LRP1B: variants seen among roughly 807,000 people sequenced by gnomAD.
LRP1B encodes the protein LDL receptor related protein 1B.
In LRP1B, 217 loss-of-function variants were observed where a neutral mutation model predicts 556.6. The observed-to-expected ratio is 0.39, with a 90% CI of 0.35 to 0.44. The LOEUF is 0.44. Among genes scored for constraint, LRP1B ranks in the 20% least tolerant of loss-of-function variants. LRP1B has a pLI of 1.00. For missense variants in LRP1B, 5,053 were observed against 5,620.8 expected (o/e 0.90, Z 3.23); for synonymous variants, 2,047 against 1,865.8 (o/e 1.10, Z -2.50).
intron 1 of LRP1B, among the ~76,000 whole-genome samples, chr2:142,014,089 C>G (rs1222104461): frequency 6.6e-6 from 1 of 151,852 alleles, no homozygotes; most frequent in Non-Finnish European, 1.5e-5. Context: ...TATATACAAG[C>G]ATTGTACCTA....
intron 2 of LRP1B, among the ~76,000 whole-genome samples, chr2:141,544,325 CT>C (rs1553533146): frequency 1.8e-5 from 1 of 55,606 alleles, no homozygotes; most frequent in Non-Finnish European, 3.3e-5. Context: ...TCTTCTTCTT[CT>C]TCTTCTTCTT....
intron 55 of LRP1B, among the ~76,000 whole-genome samples, chr2:140,497,767 G>A (rs1471663075): frequency 2.0e-5 from 3 of 151,820 alleles, no homozygotes; most frequent in African/African-American, 7.2e-5. Context: ...CACTTTGAAT[G>A]CCTCATGTCA....
chr2:140,395,919 A>C (rs1684228724), intron 66 of LRP1B, among the ~76,000 whole-genome samples: 1 of 151,390 alleles, frequency 6.6e-6, no homozygotes, highest in African/African-American at 2.4e-5. Flanking sequence ...TTGTAACTTT[A>C]TGGTTATGAA....
intron 5 of LRP1B, among the ~76,000 whole-genome samples, chr2:141,240,405 AG>A (rs745316324): frequency 2.0e-4 from 31 of 151,996 alleles, no homozygotes; most frequent in Non-Finnish European, 4.1e-4. Context: ...TCGGATTTTA[AG>A]GTTTTTTCCC....
chr2:141,392,460 TAAAAA>T (rs10636398), intron 3 of LRP1B, among the ~76,000 whole-genome samples: 1 of 96,084 alleles, frequency 1.0e-5, no homozygotes, highest in Non-Finnish European at 2.0e-5. Flanking sequence ...TGTCCTCTCT[TAAAAA>T]AAAAAAAAAA....
intron 50 of LRP1B, 37 bp from the exon 51 acceptor site, chr2:140,514,809 G>A (rs2104932733): frequency 6.3e-7 from 1 of 1,589,288 alleles, no homozygotes; most frequent in Non-Finnish European, 8.6e-7. Flanking sequence ...AAAATAGTTT[G>A]AGACCGTCTT....
chr2:141,381,366 A>G (rs1483664762), intron 3 of LRP1B, among the ~76,000 whole-genome samples: 1 of 129,108 alleles, frequency 7.7e-6, no homozygotes, highest in Non-Finnish European at 1.6e-5. Flanking sequence ...GTCAAAAGAG[A>G]AAAAAAAAAA....
chr2:140,543,598 G>A (rs749539145), intron 43 of LRP1B, among the ~76,000 whole-genome samples: 17 of 151,780 alleles, frequency 1.1e-4, no homozygotes, highest in Admixed American at 4.6e-4. Context: ...GAAATATAAC[G>A]AGGCACAAAA....
At chr2:141,564,646 T>C (rs1686269409) in intron 2 of LRP1B, among the ~76,000 whole-genome samples, 1 of 152,036 alleles carries the variant, frequency 6.6e-6, no homozygotes, top group Non-Finnish European at 1.5e-5. Flanking sequence ...GTTCAGCATG[T>C]ATTTGAAAGA....
intron 3 of LRP1B, among the ~76,000 whole-genome samples, chr2:141,466,735 G>T (rs1429579319): frequency 1.3e-5 from 2 of 152,030 alleles, no homozygotes; most frequent in Non-Finnish European, 2.9e-5. Flanking sequence ...AAGGATTGCA[G>T]AACAGAAATA....
chr2:141,426,295 C>T (rs1180212634), intron 3 of LRP1B, among the ~76,000 whole-genome samples: 2 of 151,784 alleles, frequency 1.3e-5, no homozygotes, highest in Admixed American at 6.6e-5. Flanking sequence ...TGTTTTGGTA[C>T]CAGTACCATG....
chr2:140,691,928 C>A (rs944526491), intron 41 of LRP1B, among the ~76,000 whole-genome samples: 1 of 152,060 alleles, frequency 6.6e-6, no homozygotes, highest in African/African-American at 2.4e-5. Flanking sequence ...TTATTAAGAA[C>A]AATCTTATTA....
chr2:140,551,240 A>C (rs558545002), intron 43 of LRP1B, among the ~76,000 whole-genome samples: 1 of 152,338 alleles, frequency 6.6e-6, no homozygotes, highest in East Asian at 1.9e-4. Context: ...TTTTAAAATC[A>C]GTATGAAGGA....
intron 3 of LRP1B, among the ~76,000 whole-genome samples, chr2:141,373,369 A>C (rs920241892): frequency 3.3e-5 from 5 of 152,080 alleles, no homozygotes; most frequent in Non-Finnish European, 5.9e-5. Flanking sequence ...TTCTATCTAA[A>C]ATCCAATTTA....
intron 6 of LRP1B, among the ~76,000 whole-genome samples, chr2:141,210,257 A>AC (rs1682484363): frequency 6.6e-6 from 1 of 151,362 alleles, no homozygotes; most frequent in Non-Finnish European, 1.5e-5. Context: ...TAAGAAAAAA[A>AC]AATGCCCATG....
chr2:141,935,071 G>C (rs944678484), intron 1 of LRP1B, among the ~76,000 whole-genome samples: 1 of 150,386 alleles, frequency 6.6e-6, no homozygotes, highest in African/African-American at 2.4e-5. Context: ...AAAAATGACA[G>C]TAAGACAGAC....
intron 7 of LRP1B, among the ~76,000 whole-genome samples, chr2:141,181,859 A>C (rs1681013073): frequency 6.8e-6 from 1 of 146,942 alleles, no homozygotes; most frequent in Non-Finnish European, 1.5e-5. Flanking sequence ...GAACCTTAAC[A>C]AAAAATTTAA....
chr2:141,379,061 C>T (rs1180327372), intron 3 of LRP1B, among the ~76,000 whole-genome samples: 1 of 152,162 alleles, frequency 6.6e-6, no homozygotes, highest in Admixed American at 6.5e-5. Context: ...ATCCAACCTA[C>T]ATTATAATCA....
At chr2:142,071,558 T>G (rs552724819) in intron 1 of LRP1B, among the ~76,000 whole-genome samples, 5 of 152,166 alleles carry the variant, frequency 3.3e-5, no homozygotes, top group African/African-American at 1.2e-4. Context: ...TATCCTCATT[T>G]ATAAGTACAT....
Sources: allele counts gnomAD v4.1 joint callset (sites outside exome capture counted in the v4.1 genomes callset), GRCh38; gene constraint gnomAD v4.1.1; transcripts MANE v1.5; gene names NCBI Gene and HGNC (gene_info 2026-07-23, HGNC 2026-07-21).